UQCRC2: variants seen among roughly 807,000 people sequenced by gnomAD.
UQCRC2 encodes ubiquinol-cytochrome c reductase core protein 2, also known as cytochrome b-c1 complex subunit 2, mitochondrial.
A neutral mutation model predicts 55.6 loss-of-function variants in UQCRC2; 49 were observed. The observed-to-expected ratio is 0.88, with a 90% CI of 0.70 to 1.12. The LOEUF (loss-of-function observed/expected upper bound fraction) is 1.12. Among genes scored for constraint, UQCRC2 ranks in the 50% most tolerant of loss-of-function variants. The probability of loss-of-function intolerance (pLI) is 0.00; values close to 1 mark genes in which losing one functional copy is unlikely to be tolerated. For missense variants in UQCRC2, 506 were observed against 547.8 expected (o/e 0.92, Z 0.76); for synonymous variants, 193 against 192.0 (o/e 1.01, Z -0.04).
chr16:21,958,862 G>A (rs1357233121), intron 4 of UQCRC2, among the ~76,000 whole-genome samples: 1 of 152,090 alleles, frequency 6.6e-6, no homozygotes, highest in Non-Finnish European at 1.5e-5. Flanking sequence ...CACAATGAAG[G>A]GAATATTGCA....
At chr16:21,974,235 G>C (rs910074391) in intron 11 of UQCRC2, among the ~76,000 whole-genome samples, 1 of 152,160 alleles carries the variant, frequency 6.6e-6, no homozygotes, top group Non-Finnish European at 1.5e-5. Context: ...TTGGCTCTGA[G>C]ACATCTAAAT....
chr16:21,957,026 G>A (rs917861920), intron 1 of UQCRC2, among the ~76,000 whole-genome samples: 6 of 150,390 alleles, frequency 4.0e-5, no homozygotes, highest in African/African-American at 9.8e-5. Flanking sequence ...CTGAGATTGC[G>A]CCACTGCACT....
intron 5 of UQCRC2, 96 bp from the exon 6 acceptor site, chr16:21,962,665 C>CT: frequency 1.1e-5 from 18 of 1,597,494 alleles, no homozygotes; most frequent in Non-Finnish European, 1.5e-5. Context: ...ACCACAAGAC[C>CT]TAAAGTTTCA....
At chr16:21,974,034 T>C (rs1287069809) in intron 11 of UQCRC2, 58 bp downstream of exon 11, 1 of 1,489,862 alleles carries the variant, frequency 6.7e-7, no homozygotes, top group African/African-American at 1.4e-5. Flanking sequence ...CCCCCCGCCA[T>C]AAACATGTTT....
chr16:21,968,424 C>G, intron 7 of UQCRC2: 1 of 414,880 alleles, frequency 2.4e-6, no homozygotes, highest in Non-Finnish European at 4.3e-6. Flanking sequence ...GCAACCATGA[C>G]CACAATTAGG....
rs138313844 is a variant in UQCRC2 at position 21,957,058 on chromosome 16, C to T, written c.34-177C>T. Among the ~76,000 whole-genome samples the T allele has an allele frequency of 4.4e-3, 655 of 149,794 alleles. 5 individuals are homozygous for T. The highest frequency in any genetic ancestry group is 0.015 in the African/African-American group (607 of 40,752). Reference sequence around the variant, plus strand: ...CACTCCAGCCTGAGCGACAGAGAGACACTCTGTCTCAAAAAAAAAAAAAAA... The same window carrying T: ...CACTCCAGCCTGAGCGACAGAGAGATACTCTGTCTCAAAAAAAAAAAAAAA... On this transcript the variant is annotated intron_variant, in intron 1 of 13. Coordinates refer to ENST00000268379, the MANE Select transcript of UQCRC2 (RefSeq NM_003366.4).
Position 21,973,950 on chromosome 16 carries a change from A to G in UQCRC2, c.1021A>G (p.Ile341Val). 1.9e-6 allele frequency: 3 copies of G among 1,611,436 alleles called. No homozygotes were observed. Among genetic ancestry groups the G allele is most frequent in the African/African-American group, 1.3e-5 (1 of 74,818 alleles). ...TTCTGGACTCTTTGGGATTTATACTATCTCCCAGGCCACAGCTGCTGGAGA... is the reference window on the plus strand; with the variant it reads ...TTCTGGACTCTTTGGGATTTATACTGTCTCCCAGGCCACAGCTGCTGGAGA... ...SDSGLFGIYT[I>V]SQATAAGDVI... The change falls in exon 11 of 14, where the codon ATC becomes GTC. Residue 341 changes from isoleucine to valine, a missense_variant. Physicochemically the swap from Ile to Val is conservative, Grantham distance 29. Transcript: ENST00000268379.
chr16:21,976,130 C>T (rs1898578820), intron 11 of UQCRC2, 37 bp from the exon 12 acceptor site: 1 of 1,497,334 alleles, frequency 6.7e-7, no homozygotes, highest in Non-Finnish European at 9.3e-7. Context: ...GACTCTGGTA[C>T]TGACCACAGA....
chr16:21,968,443 CT>C, intron 7 of UQCRC2, 184 bp from the exon 8 acceptor site: 1 of 452,600 alleles, frequency 2.2e-6, no homozygotes, highest in Non-Finnish European at 3.9e-6. Flanking sequence ...GGTTCTAGTT[CT>C]TTTAAGCAAT....
intron 11 of UQCRC2, 111 bp downstream of exon 11, chr16:21,974,087 T>C (rs1898526727): frequency 2.1e-6 from 2 of 933,916 alleles, no homozygotes; most frequent in African/African-American, 1.7e-5. Flanking sequence ...CAATGACTTA[T>C]CAGAGCTCTG....
chr16:21,958,141 C>G (rs1255438025), intron 3 of UQCRC2, among the ~76,000 whole-genome samples: 1 of 151,944 alleles, frequency 6.6e-6, no homozygotes, highest in African/African-American at 2.4e-5. Context: ...AATGAGAAAC[C>G]ACAAGATATT....
chr16:21,961,655 TATATATATATATA>T, intron 4 of UQCRC2, among the ~76,000 whole-genome samples: 3 of 105,732 alleles, frequency 2.8e-5, no homozygotes, highest in Non-Finnish European at 5.4e-5. Context: ...TATATATATA[TATATATATATATA>T]TTTTAGACAG....
chr16:21,979,563 T>G (rs947962291), intron 12 of UQCRC2, among the ~76,000 whole-genome samples: 16 of 152,168 alleles, frequency 1.1e-4, no homozygotes, highest in African/African-American at 3.6e-4. Context: ...AAGGTAAGTA[T>G]TTGTGCATCT....
In UQCRC2 at chr16:21,957,583, C is replaced by A. The variant is rs1325916414; in HGVS notation, c.267+17C>A. 6 of 1,610,972 alleles carry A rather than the reference C, an allele frequency of 3.7e-6. No individual in the cohort carries two copies. Among genetic ancestry groups the A allele is most frequent in the Non-Finnish European group, 3.4e-6 (4 of 1,179,034 alleles). On this transcript the variant is annotated intron_variant, in intron 3 of 13. Coordinates refer to ENST00000268379, the MANE Select transcript of UQCRC2 (RefSeq NM_003366.4). ...TCCAGTCTGGTGAGTATCTTCACTT[C>A]CTCAAGTGTTTGGAAATGCTGTGGT...
chr16:21,967,977 TATGCTCTA>T (rs991683137), intron 7 of UQCRC2, among the ~76,000 whole-genome samples: 5 of 151,796 alleles, frequency 3.3e-5, no homozygotes, highest in African/African-American at 1.2e-4. Context: ...TAGGCCAGTG[TATGCTCTA>T]ATTTCTTTTT....
Position 21,961,668 on chromosome 16 carries a change from A to ATATATATATATATTTT in UQCRC2, c.333-791_333-790insATATATATATATTTTT, listed in dbSNP as rs1321053912. On this transcript the variant is annotated intron_variant, in intron 4 of 13. Transcript: ENST00000268379. ...TATATATATATATATATATATATAT[A>ATATATATATATATTTT]TTTTAGACAGTCTCGCTGTGTCGCC... Among the ~76,000 whole-genome samples the ATATATATATATATTTT allele has an allele frequency of 3.4e-5, 4 of 116,040 alleles. No homozygotes were observed. The Admixed American group carries it at 3.6e-4, about 10-fold the overall frequency. 76.1% of individuals were successfully genotyped at this position (116,040 alleles called of 152,430 possible).
At chr16:21,972,422 A>C (rs1317534011) in intron 10 of UQCRC2, among the ~76,000 whole-genome samples, 1 of 152,188 alleles carries the variant, frequency 6.6e-6, no homozygotes. Flanking sequence ...ACTTTCCCCT[A>C]GATTCTAACT....
chr16:21,977,115 A>G (rs1898604524), intron 12 of UQCRC2, among the ~76,000 whole-genome samples: 1 of 152,128 alleles, frequency 6.6e-6, no homozygotes, highest in African/African-American at 2.4e-5. Context: ...GGACTTTGGG[A>G]GGCTGGGGCA....
At chr16:21,968,563 T>C in intron 7 of UQCRC2, 65 bp from the exon 8 acceptor site, 1 of 1,447,748 alleles carries the variant, frequency 6.9e-7, no homozygotes, top group South Asian at 1.3e-5. Context: ...AACTGTACTT[T>C]TATGTTTTTA....
Sources: allele counts gnomAD v4.1 joint callset (sites outside exome capture counted in the v4.1 genomes callset), GRCh38; gene constraint gnomAD v4.1.1; transcripts MANE v1.5; gene names NCBI Gene and HGNC (gene_info 2026-07-23, HGNC 2026-07-21).